The following TMEM71 variants were observed in gnomAD, a reference collection of about 807,000 sequenced individuals.
TMEM71 encodes the protein transmembrane protein 71.
TMEM71 carries 44 observed loss-of-function variants against 38.0 expected under a neutral mutation model. The observed-to-expected ratio is 1.16, with a 90% confidence interval of 0.91 to 1.49. The LOEUF (loss-of-function observed/expected upper bound fraction) is 1.49. Ranked by LOEUF, TMEM71 falls within the 40% of genes most tolerant of loss-of-function variation. The probability of loss-of-function intolerance (pLI) is 0.00; values close to 1 mark genes in which losing one functional copy is unlikely to be tolerated. For missense variants in TMEM71, 367 were observed against 348.6 expected (o/e 1.05, Z -0.42); for synonymous variants, 133 against 122.5 (o/e 1.09, Z -0.56).
At chr8:132,713,326 C>A (rs1292953352) in intron 9 of TMEM71, among the ~76,000 whole-genome samples, 2 of 151,984 alleles carry the variant, frequency 1.3e-5, no homozygotes, top group Admixed American at 1.3e-4. Context: ...AGAATCCTAA[C>A]CAAAATAAAT....
At chr8:132,754,799 T>C (rs1279928466) in intron 3 of TMEM71, among the ~76,000 whole-genome samples, 1 of 152,210 alleles carries the variant, frequency 6.6e-6, no homozygotes, top group Non-Finnish European at 1.5e-5. Context: ...ATGTCCTCAA[T>C]CCAAATCATT....
chr8:132,722,209 CAA>C (rs34385955), intron 6 of TMEM71, 94 bp from the exon 7 acceptor site: 1,911 of 621,470 alleles, frequency 3.1e-3, no homozygotes, highest in South Asian at 5.4e-3. Context: ...TTGTACCCAC[CAA>C]AAAAAAAAAA....
upstream of TMEM71, among the ~76,000 whole-genome samples, chr8:132,765,653 C>T (rs147912982): frequency 4.0e-3 from 611 of 152,200 alleles, 4 homozygotes; most frequent in African/African-American, 0.014. Flanking sequence ...AAACTGAGCT[C>T]GCTTACCAGT....
intron 6 of TMEM71, among the ~76,000 whole-genome samples, chr8:132,725,671 C>T (rs1286107115): frequency 6.6e-6 from 1 of 152,120 alleles, no homozygotes; most frequent in Non-Finnish European, 1.5e-5. Context: ...CCCAGGACTT[C>T]ATAGCTTAGT....
chr8:132,740,843 C>G (rs1165810925), intron 5 of TMEM71, among the ~76,000 whole-genome samples: 1 of 152,158 alleles, frequency 6.6e-6, no homozygotes. Context: ...CATTTTTGAA[C>G]AGGGGGTCCT....
At position 132,724,228 on chromosome 8, in the gene TMEM71, T is replaced by G. The variant is rs150422257; in HGVS notation, c.677-2113A>C. On this transcript the variant is annotated intron_variant, in intron 6 of 9. Coordinates refer to ENST00000677595, the MANE Select transcript of TMEM71 (RefSeq NM_001382403.1). The stretch of plus-strand genomic sequence containing the variant: ...ACAGAGTTCGAGAGCAGAGAACCGG[T>G]CTGACCTCAAATTTACCAGGGCTGG... Among the ~76,000 whole-genome samples, 15 of 152,198 alleles carry G rather than the reference T, an allele frequency of 9.9e-5. 1 individual carries two copies. The South Asian group carries it at 3.1e-3, about 32-fold the overall frequency.
chr8:132,735,111 C>T (rs1304187864), intron 5 of TMEM71, among the ~76,000 whole-genome samples: 3 of 152,182 alleles, frequency 2.0e-5, no homozygotes, highest in African/African-American at 4.8e-5. Flanking sequence ...GTCCTCCCTG[C>T]GTGAATCCTC....
At chr8:132,726,767 C>T (rs1465950132) in intron 6 of TMEM71, among the ~76,000 whole-genome samples, 2 of 152,150 alleles carry the variant, frequency 1.3e-5, no homozygotes, top group Admixed American at 1.3e-4. Context: ...CCAGAAAATA[C>T]CAATGCCTTT....
chr8:132,757,283 A>G lies in TMEM71; in HGVS notation c.52T>C (p.Leu18=), dbSNP rs778652234. ...MSTPVASSSR[L]EREYAGELSP... is the part of the protein sequence containing the mutation. ...AGCTCTCCAGCATATTCTCTTTCCA[A>G]CCTGGAAGAACCTGCATAAACAAAT... Residue 18 remains leucine (L), a synonymous_variant, in exon 3 of 10, where the codon TTG becomes CTG. Transcript: ENST00000677595. 3.1e-6 allele frequency: 5 copies of G among 1,604,576 alleles called. No homozygotes were observed. The highest frequency in any genetic ancestry group is 4.5e-5 in the East Asian group (2 of 44,562).
chr8:132,709,600 G>C (rs1374238574), downstream of TMEM71, among the ~76,000 whole-genome samples: 1 of 152,040 alleles, frequency 6.6e-6, no homozygotes, highest in Non-Finnish European at 1.5e-5. Flanking sequence ...AGAGGAGAAG[G>C]TGATGTAATG....
At chr8:132,750,154 T>C (rs1484793026) in intron 4 of TMEM71, among the ~76,000 whole-genome samples, 1 of 152,194 alleles carries the variant, frequency 6.6e-6, no homozygotes, top group Non-Finnish European at 1.5e-5. Context: ...GATGTAGGAA[T>C]AAAAAGGTCA....
At chr8:132,769,482 T>G in the TMEM71 span, among the ~76,000 whole-genome samples, 1 of 152,186 alleles carries the variant, frequency 6.6e-6, no homozygotes, top group Admixed American at 6.5e-5. Context: ...GTTTGTTGAG[T>G]GCTGTGAACT....
chr8:132,734,261 T>A (rs1416279933), intron 5 of TMEM71, among the ~76,000 whole-genome samples: 1 of 152,110 alleles, frequency 6.6e-6, no homozygotes, highest in Middle Eastern at 3.2e-3. Flanking sequence ...GTGATGGAAT[T>A]CACAGGTGTC....
the TMEM71 span, among the ~76,000 whole-genome samples, chr8:132,767,224 A>G: frequency 6.6e-6 from 1 of 152,122 alleles, no homozygotes; most frequent in African/African-American, 2.4e-5. Flanking sequence ...GCCTCCTCTG[A>G]AGATTAGAGA....
intron 5 of TMEM71, among the ~76,000 whole-genome samples, chr8:132,742,620 G>A (rs1228064745): frequency 2.6e-5 from 4 of 152,228 alleles, no homozygotes; most frequent in Admixed American, 2.6e-4. Flanking sequence ...TACTTAGCTT[G>A]GAAGAGTGTT....
At position 132,710,852 on chromosome 8, in the gene TMEM71, C is replaced by T. The variant is rs1195527885; in HGVS notation, c.*115G>A. 7.4e-6 allele frequency: 7 copies of T among 943,112 alleles called. No homozygotes were observed. In the South Asian group the frequency reaches 9.7e-5, roughly 13 times the overall value. The allele number at this position is 943,112 out of a possible 1,614,324, so 58.4% of individuals were successfully genotyped here. ...TAGTCAAACTAAAATGGCTTTTTCT[C>T]CATTACTCGCTTACTCCCTTCCAAT... On this transcript the variant is annotated 3_prime_UTR_variant, in exon 10 of 10. Transcript: ENST00000677595.
intron 2 of TMEM71, 115 bp downstream of exon 2, chr8:132,758,725 A>C: frequency 1.2e-6 from 1 of 822,060 alleles, no homozygotes; most frequent in Non-Finnish European, 2.1e-6. Flanking sequence ...AAGAAGCACA[A>C]GCTACTGACA....
chr8:132,768,669 G>A, the TMEM71 span, among the ~76,000 whole-genome samples: 1 of 152,202 alleles, frequency 6.6e-6, no homozygotes, highest in Non-Finnish European at 1.5e-5. Flanking sequence ...TCCAAAAGAG[G>A]AAGTAATCCG....
At chr8:132,774,583 A>T in the TMEM71 span, among the ~76,000 whole-genome samples, 1 of 152,270 alleles carries the variant, frequency 6.6e-6, no homozygotes, top group Admixed American at 6.5e-5. Context: ...GCAACGTTGC[A>T]CTTGAAAACC....
Sources: allele counts gnomAD v4.1 joint callset (sites outside exome capture counted in the v4.1 genomes callset), GRCh38; gene constraint gnomAD v4.1.1; transcripts MANE v1.5; gene names NCBI Gene and HGNC (gene_info 2026-07-23, HGNC 2026-07-21).